The following LRCH2 variants were observed in gnomAD, a reference collection of about 807,000 sequenced individuals.
LRCH2 encodes leucine-rich repeat and calponin homology domain-containing protein 2.
In LRCH2, 38 loss-of-function variants were observed where a neutral mutation model predicts 68.9. The observed-to-expected ratio is 0.55, with a 90% CI of 0.43 to 0.72. The LOEUF (loss-of-function observed/expected upper bound fraction) is 0.72. LRCH2 is among the 30% of genes least tolerant of loss of function. The probability of loss-of-function intolerance (pLI) is 0.00; values close to 1 mark genes in which losing one functional copy is unlikely to be tolerated. For missense variants in LRCH2, 528 were observed against 572.9 expected (o/e 0.92, Z 0.80); for synonymous variants, 191 against 208.1 (o/e 0.92, Z 0.71).
chrX:115,183,681 G>A (rs1211993319), intron 3 of LRCH2, among the ~76,000 whole-genome samples: 3 of 110,634 alleles, frequency 2.7e-5, no homozygotes, highest in African/African-American at 6.6e-5. Flanking sequence ...GCAACAGAGC[G>A]AGACTCTATC....
chrX:115,170,629 A>T (rs1287964516), intron 5 of LRCH2, among the ~76,000 whole-genome samples, 197 bp from the exon 6 acceptor site: 1 of 111,860 alleles, frequency 8.9e-6, no homozygotes, highest in Non-Finnish European at 1.9e-5. Context: ...TTCTATTGCC[A>T]TCTCTGTTCT....
In LRCH2 at chrX:115,110,673, T is replaced by C. The variant is rs1400545231; in HGVS notation, c.*2543A>G. ...CGGTAATATACATTTAAGTGTTCCA[T>C]TTATTTTTAAATGCATCAGAAAAGC... On this transcript the variant is annotated 3_prime_UTR_variant, in exon 21 of 21. Coordinates refer to ENST00000317135, the MANE Select transcript of LRCH2 (RefSeq NM_020871.4). 1 of 112,360 alleles carries C rather than the reference T, an allele frequency of 8.9e-6. No homozygotes were observed. Among genetic ancestry groups the C allele is most frequent in the African/African-American group, 3.2e-5 (1 of 30,884 alleles). 9.3% of individuals were successfully genotyped at this position (112,360 alleles called of 1,213,427 possible).
In LRCH2 at chrX:115,230,561, C is replaced by T. The variant is rs141777622; in HGVS notation, c.349+3132G>A. ...AATGCAGAGAGAGGTAAAAAGACAC[C>T]AAAGATAAACTCTGCAAACAGCTGC... On this transcript the variant is annotated intron_variant, in intron 1 of 20. Transcript: ENST00000317135. 5.0e-3 allele frequency among the ~76,000 whole-genome samples: 555 copies of T among 111,014 alleles called. 3 individuals are homozygous for T. The highest frequency in any genetic ancestry group is 8.5e-3 in the Non-Finnish European group (449 of 52,834).
Position 115,124,001 on chromosome X carries a change from T to C in LRCH2, c.1793A>G (p.Glu598Gly). The change falls in exon 17 of 21, where the codon GAA (glutamate) becomes GGA (glycine). Residue 598 changes from glutamate (E) to glycine (G), a missense_variant and splice_region_variant. Coordinates refer to ENST00000317135, the MANE Select transcript of LRCH2 (RefSeq NM_020871.4). ...MSTQSPVSSE[E>G]YDRTDGFSHS... The stretch of plus-strand genomic sequence containing the variant: ...TGAAAAACCATCAGTTCTGTCATAT[T>C]CCTAAAAAAAAATTAAAAAGTTAAA... 9.6e-7 allele frequency: 1 copy of C among 1,042,108 alleles called. No homozygotes were observed. The highest frequency in any genetic ancestry group is 1.3e-6 in the Non-Finnish European group (1 of 796,063). 85.9% of individuals were successfully genotyped at this position (1,042,108 alleles called of 1,213,427 possible).
intron 20 of LRCH2, among the ~76,000 whole-genome samples, chrX:115,121,631 C>T (rs181933400): frequency 6.2e-5 from 7 of 112,173 alleles, no homozygotes; most frequent in African/African-American, 1.3e-4. Context: ...CCAGCCTGGG[C>T]GACAGCGTGA....
At chrX:115,216,900 T>C (rs1398444153) in intron 1 of LRCH2, among the ~76,000 whole-genome samples, 1 of 111,952 alleles carries the variant, frequency 8.9e-6, no homozygotes, top group African/African-American at 3.2e-5. Flanking sequence ...GAAGATCAAG[T>C]GCCTGAGAAA....
intron 6 of LRCH2, 127 bp downstream of exon 6, chrX:115,170,172 C>T: frequency 1.7e-6 from 1 of 577,459 alleles, no homozygotes; most frequent in Non-Finnish European, 2.4e-6. Flanking sequence ...GTAGCTTCAG[C>T]CAATTATTTA....
At chrX:115,134,853 G>A (rs2072275380) in intron 14 of LRCH2, among the ~76,000 whole-genome samples, 1 of 110,799 alleles carries the variant, frequency 9.0e-6, no homozygotes, top group Admixed American at 9.7e-5. Context: ...AGCTATTGGG[G>A]CCATAGATAG....
intron 14 of LRCH2, among the ~76,000 whole-genome samples, chrX:115,144,595 T>C (rs917389041): frequency 4.5e-5 from 5 of 110,467 alleles, no homozygotes; most frequent in Non-Finnish European, 9.4e-5. Flanking sequence ...TGATAAATTC[T>C]GTAAAGTTGC....
intron 11 of LRCH2, among the ~76,000 whole-genome samples, chrX:115,157,545 G>A (rs2072485451): frequency 9.4e-6 from 1 of 106,889 alleles, no homozygotes; most frequent in Non-Finnish European, 1.9e-5. Context: ...CGTGGATCTA[G>A]TAGGGCCTCA....
intron 5 of LRCH2, among the ~76,000 whole-genome samples, chrX:115,175,393 A>C (rs1241056734): frequency 9.0e-6 from 1 of 111,418 alleles, no homozygotes; most frequent in Non-Finnish European, 1.9e-5. Flanking sequence ...CACTGGCCAT[A>C]AACAAATTAA....
Position 115,234,002 on chromosome X carries a change from C to T in LRCH2, c.40G>A (p.Gly14Ser). ...CTACTTCCACCTCCACCACAACCGCCGCCCCCACTGTTACCGCCTCCTCCC... is the reference window on the plus strand; with the variant it reads ...CTACTTCCACCTCCACCACAACCGCTGCCCCCACTGTTACCGCCTCCTCCC... ...SQGGGGNSGG[G>S]GCGGGGSSGG... Residue 14 changes from glycine to serine, a missense_variant, in exon 1 of 21, where the codon GGC (glycine) becomes AGC (serine). Coordinates refer to ENST00000317135, the MANE Select transcript of LRCH2 (RefSeq NM_020871.4). The T allele has an allele frequency of 8.6e-7, 1 of 1,167,075 alleles. No homozygotes were observed. Among genetic ancestry groups the T allele is most frequent in the Non-Finnish European group, 1.1e-6 (1 of 872,857 alleles).
At chrX:115,155,063 G>A (rs1215471528) in intron 12 of LRCH2, among the ~76,000 whole-genome samples, 5 of 85,178 alleles carry the variant, frequency 5.9e-5, no homozygotes, top group Admixed American at 1.3e-4. Context: ...AAAAAAAAAA[G>A]AGAGAGAGAG....
intron 1 of LRCH2, chrX:115,189,588 G>A (rs781886594): frequency 3.3e-5 from 39 of 1,169,864 alleles, no homozygotes; most frequent in Non-Finnish European, 4.3e-5. Flanking sequence ...ACAAGTCGAG[G>A]GGCTTCGCGT....
intron 11 of LRCH2, among the ~76,000 whole-genome samples, chrX:115,157,217 C>A (rs2072482276): frequency 9.4e-6 from 1 of 106,572 alleles, no homozygotes; most frequent in Non-Finnish European, 2.0e-5. Flanking sequence ...CATAATGTTA[C>A]ATAATTCTAA....
At chrX:115,209,254 G>T (rs781864430) in intron 1 of LRCH2, among the ~76,000 whole-genome samples, 2 of 112,317 alleles carry the variant, frequency 1.8e-5, no homozygotes, top group Admixed American at 9.4e-5. Flanking sequence ...TTAACATACT[G>T]ATATGGTCTG....
In LRCH2 at chrX:115,233,919, G is replaced by GCCGCCGCCTCCCCCTCCAGCC; in HGVS notation, c.102_122dup (p.Ala35_Gly41dup). Reference sequence around the variant, plus strand: ...TGGGGACCACCAGGGTCCCGCCGCCGCCGCCGCCTCCCCCTCCAGCCCCGC... The same window carrying GCCGCCGCCTCCCCCTCCAGCC: ...TGGGGACCACCAGGGTCCCGCCGCCGCCGCCGCCTCCCCCTCCAGCCCCGCCGCCTCCCCCTCCAGCCCCGC... On this transcript the variant is annotated inframe_insertion, in exon 1 of 21. Coordinates refer to ENST00000317135, the MANE Select transcript of LRCH2 (RefSeq NM_020871.4). 8.6e-7 allele frequency: 1 copy of GCCGCCGCCTCCCCCTCCAGCC among 1,162,727 alleles called. No homozygotes were observed. Among genetic ancestry groups the GCCGCCGCCTCCCCCTCCAGCC allele is most frequent in the Non-Finnish European group, 1.1e-6 (1 of 871,052 alleles).
chrX:115,181,850 T>C (rs188844191), intron 3 of LRCH2, among the ~76,000 whole-genome samples: 1 of 111,780 alleles, frequency 8.9e-6, no homozygotes, highest in East Asian at 2.8e-4. Context: ...TCTGTATCCA[T>C]GGGTTCTGCA....
Position 115,184,507 on chromosome X carries a change from G to A in LRCH2, c.525C>T (p.Tyr175=). Residue 175 remains tyrosine (Y), a synonymous_variant, in exon 3 of 21, where the codon TAC becomes TAT. Coordinates refer to ENST00000317135, the MANE Select transcript of LRCH2 (RefSeq NM_020871.4). ...SRNLLSTLPK[Y]LFDLPLKVLV... is the part of the protein sequence containing the mutation. ...AAACTTTAAGGGGAAGATCAAATAG[G>A]TATTTTGGCAATGTTGATAAAAGAT... 2 of 1,180,872 alleles carry A rather than the reference G, an allele frequency of 1.7e-6. No individual in the cohort carries two copies. Among genetic ancestry groups the A allele is most frequent in the Non-Finnish European group, 2.3e-6 (2 of 880,495 alleles).
Sources: gnomAD v4.1 joint callset for allele counts (sites outside exome capture counted in the v4.1 genomes callset) on GRCh38, gnomAD v4.1.1 for gene constraint, MANE v1.5 for transcripts, NCBI Gene and HGNC (gene_info 2026-07-23, HGNC 2026-07-21) for gene names.